The following MRPS18A variants were observed in gnomAD, a reference collection of about 807,000 sequenced individuals.
The protein encoded by MRPS18A is mitochondrial ribosomal protein S18A, also known as large ribosomal subunit protein mL66.
In MRPS18A, 20 loss-of-function variants were observed where a neutral mutation model predicts 22.7. That is an observed-to-expected ratio of 0.88 (90% confidence interval 0.62 to 1.28). MRPS18A has a LOEUF of 1.28. Ranked by LOEUF, MRPS18A falls within the 50% of genes most tolerant of loss-of-function variation. MRPS18A has a pLI of 0.00. For missense variants in MRPS18A, 294 were observed against 262.6 expected (o/e 1.12, Z -0.83); for synonymous variants, 106 against 99.1 (o/e 1.07, Z -0.41).
chr6:43,678,667 T>C (rs1774207859), intron 2 of MRPS18A, 42 bp from the exon 3 acceptor site: 4 of 1,379,922 alleles, frequency 2.9e-6, no homozygotes, highest in Non-Finnish European at 4.1e-6. Flanking sequence ...AGACAGGACC[T>C]GCGTGGAGCC....
In MRPS18A at chr6:43,675,280, C is replaced by T. The variant is rs554765384; in HGVS notation, c.377-9G>A. On this transcript the variant is annotated splice_polypyrimidine_tract_variant and intron_variant, in intron 4 of 5. Transcript: ENST00000372133. Reference sequence around the variant, plus strand: ...GTGATTTGGTAATAGACCTGAGTGGCGGGGAAGAGGGGATAGTCTTTGCAG... The same window carrying T: ...GTGATTTGGTAATAGACCTGAGTGGTGGGGAAGAGGGGATAGTCTTTGCAG... 7.4e-5 allele frequency: 114 copies of T among 1,534,438 alleles called. No homozygotes were observed. In the Middle Eastern group the frequency reaches 2.5e-3, roughly 33 times the overall value.
intron 5 of MRPS18A, 155 bp from the exon 6 acceptor site, chr6:43,672,061 T>TA: frequency 1.1e-6 from 1 of 910,626 alleles, no homozygotes; most frequent in Non-Finnish European, 1.6e-6. Flanking sequence ...TTCCTGGGAG[T>TA]AACTGCTGAG....
At chr6:43,682,993 C>T (rs960398380) in intron 1 of MRPS18A, among the ~76,000 whole-genome samples, 8 of 152,184 alleles carry the variant, frequency 5.3e-5, no homozygotes, top group African/African-American at 1.2e-4. Context: ...CCACTGGAGT[C>T]GGCAGAAGAA....
At chr6:43,680,672 C>A (rs1210327907) in intron 2 of MRPS18A, among the ~76,000 whole-genome samples, 2 of 152,164 alleles carry the variant, frequency 1.3e-5, no homozygotes, top group African/African-American at 4.8e-5. Flanking sequence ...TTAAATGCAT[C>A]ATTTAAGGAG....
At chr6:43,678,885 C>A (rs954066276) in intron 2 of MRPS18A, among the ~76,000 whole-genome samples, 1 of 152,034 alleles carries the variant, frequency 6.6e-6, no homozygotes, top group Non-Finnish European at 1.5e-5. Flanking sequence ...ATACCAGTGT[C>A]AAGAGGGAGA....
At chr6:43,681,171 A>G (rs751137723) in intron 1 of MRPS18A, 51 bp from the exon 2 acceptor site, 1 of 1,574,034 alleles carries the variant, frequency 6.4e-7, no homozygotes. Context: ...TAAGGAACAG[A>G]GAGTTTCAAA....
rs904190220 is a variant in MRPS18A at position 43,671,624 on chromosome 6, C to T, written c.*138G>A. 3.0e-6 allele frequency: 3 copies of T among 990,206 alleles called. No homozygotes were observed. The highest frequency in any genetic ancestry group is 2.4e-5 in the East Asian group (1 of 40,888). The allele number at this position is 990,206 out of a possible 1,614,324, so 61.3% of individuals were successfully genotyped here. On this transcript the variant is annotated 3_prime_UTR_variant, in exon 6 of 6. Coordinates refer to ENST00000372133, the MANE Select transcript of MRPS18A (RefSeq NM_018135.4). ...AGGGTACTGAAGTTAGTCCCACTGT[C>T]CCCTGTCCATGCATGTTGGAGGGAC...
chr6:43,673,850 GC>G lies in MRPS18A; in HGVS notation c.446+1351del, dbSNP rs879713731. ...CAGCGTGGCCTTTTGCAACCGACTAGCCCCCACACATCATCAATCCTGTGTC... is the reference window on the plus strand; with the variant it reads ...CAGCGTGGCCTTTTGCAACCGACTAGCCCCACACATCATCAATCCTGTGTC... On this transcript the variant is annotated intron_variant, in intron 5 of 5. Transcript: ENST00000372133. The surrounding 1 kb of genome is among the most constrained non-coding windows in gnomAD (Gnocchi z 4.2). Among the ~76,000 whole-genome samples, 4 of 152,216 alleles carry G rather than the reference GC, an allele frequency of 2.6e-5. No homozygotes were observed. The highest frequency in any genetic ancestry group is 6.3e-3 in the Middle Eastern group (2 of 316).
At chr6:43,679,391 G>GA (rs1774258481) in intron 2 of MRPS18A, among the ~76,000 whole-genome samples, 1 of 152,178 alleles carries the variant, frequency 6.6e-6, no homozygotes, top group Non-Finnish European at 1.5e-5. Flanking sequence ...ACAAAAGAAA[G>GA]AAAAAACTAA....
At chr6:43,675,654 G>A in intron 3 of MRPS18A, 37 bp from the exon 4 acceptor site, 1 of 1,568,924 alleles carries the variant, frequency 6.4e-7, no homozygotes, top group South Asian at 1.2e-5. Flanking sequence ...AGGGTCAGCT[G>A]GGCTTGCTTT....
intron 1 of MRPS18A, among the ~76,000 whole-genome samples, chr6:43,684,869 TATTTTA>T (rs757688059): frequency 6.6e-5 from 10 of 152,252 alleles, no homozygotes; most frequent in Non-Finnish European, 1.2e-4. Context: ...TTTGTTTTTT[TATTTTA>T]AATACATTTC....
intron 5 of MRPS18A, chr6:43,672,375 C>T (rs1159538816): frequency 1.1e-5 from 5 of 471,714 alleles, no homozygotes; most frequent in Admixed American, 7.0e-5. Context: ...AGACCCCTGC[C>T]CCTCACCCAA....
rs2127950320 is a variant in MRPS18A at position 43,681,076 on chromosome 6, C to G, written c.144+13G>C. On this transcript the variant is annotated intron_variant, in intron 2 of 5. Transcript: ENST00000372133. ...TTAAAGAGGTTATACATGGCCAACTCAACGATACTTACTATAGTTGTCTTC... is the reference window on the plus strand; with the variant it reads ...TTAAAGAGGTTATACATGGCCAACTGAACGATACTTACTATAGTTGTCTTC... 6.2e-7 allele frequency: 1 copy of G among 1,613,312 alleles called. No homozygotes were observed. The highest frequency in any genetic ancestry group is 2.2e-5 in the East Asian group (1 of 44,876).
At chr6:43,681,373 C>T (rs1429830516) in intron 1 of MRPS18A, among the ~76,000 whole-genome samples, 3 of 152,286 alleles carry the variant, frequency 2.0e-5, no homozygotes, top group South Asian at 2.1e-4. Context: ...TAAGGAGTTC[C>T]GCACTGTTTT....
intron 1 of MRPS18A, among the ~76,000 whole-genome samples, chr6:43,682,108 C>G (rs991057935): frequency 5.9e-5 from 9 of 152,112 alleles, no homozygotes; most frequent in African/African-American, 2.2e-4. Context: ...TTAAGGAGAC[C>G]AGCCTGCGCA....
At chr6:43,672,152 C>T in intron 5 of MRPS18A, 1 of 578,320 alleles carries the variant, frequency 1.7e-6, no homozygotes, top group Non-Finnish European at 3.2e-6. Flanking sequence ...CCACAAGCTC[C>T]CTTGATCTTT....
At chr6:43,681,437 C>T (rs907891643) in intron 1 of MRPS18A, among the ~76,000 whole-genome samples, 1 of 152,220 alleles carries the variant, frequency 6.6e-6, no homozygotes, top group Admixed American at 6.5e-5. Context: ...TTGGTCAGAT[C>T]CTGTCCTACG....
chr6:43,672,760 A>G lies in MRPS18A; in HGVS notation c.447-854T>C, dbSNP rs182243095. Among the ~76,000 whole-genome samples, 17 of 152,336 alleles carry G rather than the reference A, an allele frequency of 1.1e-4. No homozygotes were observed. In the East Asian group the frequency reaches 3.1e-3, roughly 28 times the overall value. ...TCAATAACCTTAGCTAAAAACTCTTAGATAAAAGAAGTGAAAAAATGATTG... is the reference window on the plus strand; with the variant it reads ...TCAATAACCTTAGCTAAAAACTCTTGGATAAAAGAAGTGAAAAAATGATTG... On this transcript the variant is annotated intron_variant, in intron 5 of 5. Transcript: ENST00000372133.
chr6:43,684,186 G>A (rs779517102), intron 1 of MRPS18A, among the ~76,000 whole-genome samples: 24 of 152,054 alleles, frequency 1.6e-4, no homozygotes, highest in Non-Finnish European at 5.9e-5. Context: ...GTGAACTGCA[G>A]CCATGTAAAG....
Sources: gnomAD v4.1 joint callset for allele counts (sites outside exome capture counted in the v4.1 genomes callset) on GRCh38, gnomAD v4.1.1 for gene constraint, Gnocchi (gnomAD v3.1) non-coding constraint, MANE v1.5 for transcripts, NCBI Gene and HGNC (gene_info 2026-07-23, HGNC 2026-07-21) for gene names.